DPP10: variants seen among roughly 807,000 people sequenced by gnomAD.
The protein encoded by DPP10 is inactive dipeptidyl peptidase 10.
Under a neutral mutation model 120.9 loss-of-function variants are expected in DPP10, and 33 were observed. That is an observed-to-expected ratio of 0.27 (90% CI 0.21 to 0.37). The LOEUF (loss-of-function observed/expected upper bound fraction) is 0.37. Ranked by LOEUF, DPP10 falls within the 10% of genes least tolerant of loss-of-function variation. DPP10 has a pLI of 1.00. For missense variants in DPP10, 816 were observed against 942.8 expected (o/e 0.87, Z 1.76); for synonymous variants, 337 against 326.1 (o/e 1.03, Z -0.36).
chr2:115,546,325 A>G (rs891303438), intron 5 of DPP10, among the ~76,000 whole-genome samples: 4 of 152,178 alleles, frequency 2.6e-5, no homozygotes, highest in African/African-American at 7.2e-5. Context: ...ACGTAAGTGT[A>G]TATACATCTA....
At chr2:114,872,462 G>A (rs1690768133) in intron 1 of DPP10, among the ~76,000 whole-genome samples, 1 of 152,158 alleles carries the variant, frequency 6.6e-6, no homozygotes, top group African/African-American at 2.4e-5. Flanking sequence ...TGGGAACACA[G>A]AGCCAGATCA....
intron 1 of DPP10, among the ~76,000 whole-genome samples, chr2:114,570,836 T>C (rs935723525): frequency 1.7e-5 from 1 of 57,830 alleles, no homozygotes; most frequent in South Asian, 9.1e-4. Context: ...CTGTCTCAAA[T>C]AAAAAAAAAA....
At chr2:114,740,756 G>A (rs1432658527) in intron 1 of DPP10, among the ~76,000 whole-genome samples, 1 of 152,144 alleles carries the variant, frequency 6.6e-6, no homozygotes, top group East Asian at 1.9e-4. Flanking sequence ...TCTGATGTTG[G>A]AGGCAGAAAC....
intron 3 of DPP10, among the ~76,000 whole-genome samples, chr2:115,432,501 G>A (rs183833204): frequency 6.6e-6 from 1 of 151,856 alleles, no homozygotes; most frequent in East Asian, 1.9e-4. Flanking sequence ...GTGACATTAA[G>A]GAATTAGAAA....
intron 1 of DPP10, among the ~76,000 whole-genome samples, chr2:114,991,664 T>A (rs1006756527): frequency 5.3e-5 from 8 of 152,162 alleles, no homozygotes; most frequent in African/African-American, 1.9e-4. Context: ...TTGATAAATA[T>A]AAACAAAGTA....
chr2:114,797,478 A>G (rs546615323), intron 1 of DPP10, among the ~76,000 whole-genome samples: 10 of 152,336 alleles, frequency 6.6e-5, no homozygotes, highest in African/African-American at 2.4e-4. Flanking sequence ...ATAACGTTGG[A>G]GCATTAACAA....
At chr2:115,542,695 A>T (rs866457642) in intron 5 of DPP10, among the ~76,000 whole-genome samples, 2 of 144,022 alleles carry the variant, frequency 1.4e-5, no homozygotes, top group African/African-American at 5.0e-5. Context: ...AGATGACATT[A>T]AAAAAAAAAA....
chr2:115,462,898 T>A (rs1023073766), intron 3 of DPP10, among the ~76,000 whole-genome samples: 3 of 152,036 alleles, frequency 2.0e-5, no homozygotes, highest in Non-Finnish European at 4.4e-5. Flanking sequence ...CCCGGCTAAT[T>A]GTTTTGTATT....
chr2:115,592,348 T>G (rs1004033912), intron 5 of DPP10, among the ~76,000 whole-genome samples: 4 of 152,074 alleles, frequency 2.6e-5, no homozygotes, highest in Admixed American at 2.0e-4. Context: ...GAAGCTTCCC[T>G]CAGAGAAAAT....
intron 17 of DPP10, among the ~76,000 whole-genome samples, chr2:115,787,832 C>T (rs10167394): frequency 6.6e-6 from 1 of 152,054 alleles, no homozygotes; most frequent in Non-Finnish European, 1.5e-5. Flanking sequence ...AATTAAAAGA[C>T]ACATTACATC....
At chr2:115,429,472 A>G (rs866369390) in intron 3 of DPP10, among the ~76,000 whole-genome samples, 16 of 152,340 alleles carry the variant, frequency 1.1e-4, no homozygotes, top group Middle Eastern at 6.8e-3. Context: ...ATGTCCAAAA[A>G]TGAGATTCCA....
chr2:114,930,185 G>A (rs757940876), intron 1 of DPP10, among the ~76,000 whole-genome samples: 9 of 152,078 alleles, frequency 5.9e-5, no homozygotes, highest in Non-Finnish European at 1.0e-4. Context: ...CTTTAGTCAC[G>A]TTCATCTCTT....
At chr2:115,125,866 G>T (rs2050055336) in intron 1 of DPP10, among the ~76,000 whole-genome samples, 1 of 152,134 alleles carries the variant, frequency 6.6e-6, no homozygotes, top group Non-Finnish European at 1.5e-5. Context: ...AAAGGTGCAA[G>T]GCACCGCGCC....
chr2:114,539,323 C>CAT (rs953693107), intron 1 of DPP10, among the ~76,000 whole-genome samples: 93 of 151,398 alleles, frequency 6.1e-4, no homozygotes, highest in African/African-American at 1.8e-3. Flanking sequence ...CATACACACA[C>CAT]ATATATATAT....
intron 1 of DPP10, among the ~76,000 whole-genome samples, chr2:114,967,436 T>G: frequency 6.6e-6 from 1 of 152,108 alleles, no homozygotes; most frequent in East Asian, 1.9e-4. Flanking sequence ...TGGTCTGGAT[T>G]CTCAGTGAAA....
chr2:115,420,898 G>T (rs2104677590), intron 3 of DPP10, among the ~76,000 whole-genome samples: 1 of 152,266 alleles, frequency 6.6e-6, no homozygotes, highest in East Asian at 1.9e-4. Context: ...CAATGACTAA[G>T]AAATAACTCA....
chr2:114,482,015 C>T (rs1681102292), intron 1 of DPP10, among the ~76,000 whole-genome samples: 1 of 151,228 alleles, frequency 6.6e-6, no homozygotes, highest in Non-Finnish European at 1.5e-5. Flanking sequence ...GAAAGACAAC[C>T]TAGGGGAAAC....
intron 7 of DPP10, among the ~76,000 whole-genome samples, chr2:115,699,053 G>C (rs1250233441): frequency 1.2e-5 from 1 of 84,760 alleles, no homozygotes. Context: ...AAAAAAACAA[G>C]AGAAGACTCA....
At chr2:114,661,875 A>G (rs1280790705) in intron 1 of DPP10, among the ~76,000 whole-genome samples, 1 of 152,138 alleles carries the variant, frequency 6.6e-6, no homozygotes, top group East Asian at 1.9e-4. Context: ...TAAAATAATA[A>G]CACAGGAATG....
Sources: gnomAD v4.1 joint callset for allele counts (sites outside exome capture counted in the v4.1 genomes callset) on GRCh38, gnomAD v4.1.1 for gene constraint, MANE v1.5 for transcripts, NCBI Gene and HGNC (gene_info 2026-07-23, HGNC 2026-07-21) for gene names.